Variants in MSI2 observed in about 807,000 individuals in gnomAD.
The protein encoded by MSI2 is RNA-binding protein Musashi homolog 2.
Under a neutral mutation model 45.6 loss-of-function variants are expected in MSI2, and 17 were observed. The ratio of observed to expected loss-of-function variants is 0.37; its 90% CI spans 0.26 to 0.56. MSI2 has a LOEUF of 0.56. Ranked by LOEUF, MSI2 falls within the 20% of genes least tolerant of loss-of-function variation. The pLI is 0.77. For missense variants in MSI2, 293 were observed against 444.2 expected, an observed-to-expected ratio of 0.66 and a Z score of 3.06; for synonymous variants, 156 against 158.2, an observed-to-expected ratio of 0.99 and a Z score of 0.11.
intron 7 of MSI2, among the ~76,000 whole-genome samples, chr17:57,567,294 C>T (rs568371673): frequency 1.2e-4 from 19 of 152,254 alleles, no homozygotes; most frequent in Admixed American, 7.8e-4. Context: ...GGTGCTAGAA[C>T]GACCCAATTA....
rs1015493657 is a variant in MSI2, at chr17:57,683,047, T to A, written c.*3530T>A. 1.7e-5 allele frequency: 4 copies of A among 229,708 alleles called. No homozygotes were observed. Among genetic ancestry groups the A allele is most frequent in the African/African-American group, 8.9e-5 (4 of 45,108 alleles). The allele number at this position is 229,708 out of a possible 1,614,324, so 14.2% of individuals were successfully genotyped here. ...CAAACAGCCTCGCGCTCTATCCCAG[T>A]CGCCCATTAGCTTGATTCAAACAAA... On this transcript the variant is annotated 3_prime_UTR_variant, in exon 14 of 14. Transcript: ENST00000284073. This position sits in a 1 kb window ranked among gnomAD's most constrained non-coding sequence, Gnocchi z 5.2.
intron 6 of MSI2, among the ~76,000 whole-genome samples, chr17:57,455,697 G>T (rs1054073576): frequency 6.6e-6 from 1 of 152,160 alleles, no homozygotes; most frequent in African/African-American, 2.4e-5. Flanking sequence ...GAGGGACAGT[G>T]GGGGAGAGCC....
rs184814495 is a variant in MSI2, at chr17:57,467,320, T to C, written c.406-62356T>C. On this transcript the variant is annotated intron_variant, in intron 6 of 13. Transcript: ENST00000284073. ...GGATATGGTGCATTCTTGAAAAGCA[T>C]TGGATGGATGGAAAAAAGGAAGAAG... Among the ~76,000 whole-genome samples, 109 of 152,046 alleles carry C rather than the reference T, an allele frequency of 7.2e-4. 1 individual carries two copies. Among genetic ancestry groups the C allele is most frequent in the Middle Eastern group, 3.4e-3 (1 of 294 alleles).
At chr17:57,310,212 G>C (rs1033660848) in intron 5 of MSI2, among the ~76,000 whole-genome samples, 9 of 152,202 alleles carry the variant, frequency 5.9e-5, no homozygotes, top group African/African-American at 2.2e-4. Context: ...TGCTGGAGTG[G>C]ACCTTGGGGC....
the MSI2 span, among the ~76,000 whole-genome samples, chr17:57,693,551 G>A: frequency 9.2e-5 from 14 of 152,164 alleles, no homozygotes; most frequent in Non-Finnish European, 1.5e-4. Flanking sequence ...TAGCATTTCT[G>A]TTTGACTCTT....
rs191020673 is a variant in MSI2 at position 57,270,162 on chromosome 17, G to A, written c.312+7970G>A. ...AGTTAAAAAGAAAAATCCTAATTCA[G>A]AATAATGACTGTCATTTATTGTGAG... On this transcript the variant is annotated intron_variant, in intron 5 of 13. Transcript: ENST00000284073. Among the ~76,000 whole-genome samples, 78 of 152,242 alleles carry A rather than the reference G, an allele frequency of 5.1e-4. 1 individual carries two copies. In the South Asian group the frequency reaches 0.011, roughly 22 times the overall value.
chr17:57,520,017 A>T (rs969158805), intron 6 of MSI2, among the ~76,000 whole-genome samples: 1 of 152,090 alleles, frequency 6.6e-6, no homozygotes, highest in Non-Finnish European at 1.5e-5. Flanking sequence ...ACAAATCGAG[A>T]CCCCATCCCT....
At chr17:57,370,679 T>A (rs2083407581) in intron 5 of MSI2, among the ~76,000 whole-genome samples, 1 of 152,202 alleles carries the variant, frequency 6.6e-6, no homozygotes, top group Non-Finnish European at 1.5e-5. Context: ...CACCAGGTGA[T>A]GGATTTAACC....
rs59127306 is a variant in MSI2 at position 57,477,145 on chromosome 17, G to GGTGTGTGTGTGT, written c.406-52486_406-52475dup. Among the ~76,000 whole-genome samples the GGTGTGTGTGTGT allele has an allele frequency of 1.6e-3, 185 of 118,716 alleles. 2 individuals carry two copies. The highest frequency in any genetic ancestry group is 4.2e-3 in the Middle Eastern group (1 of 238). The allele number at this position is 118,716 out of a possible 152,430, so 77.9% of individuals were successfully genotyped here. On this transcript the variant is annotated intron_variant, in intron 6 of 13. Coordinates refer to ENST00000284073, the MANE Select transcript of MSI2 (RefSeq NM_138962.4). ...TCACTTCTGTTGGTCCATAAGGCCT[G>GGTGTGTGTGTGT]GTGTGTGTGTGTGTGTGTGTGTGTG...
intron 6 of MSI2, chr17:57,522,323 G>T (rs1240604907): frequency 3.3e-5 from 5 of 152,226 alleles, no homozygotes; most frequent in African/African-American, 7.2e-5. Flanking sequence ...AAGGGCATTT[G>T]TTCTGGGGGA....
chr17:57,476,202 C>T lies in MSI2; in HGVS notation c.406-53474C>T, dbSNP rs552593477. On this transcript the variant is annotated intron_variant, in intron 6 of 13. Coordinates refer to ENST00000284073, the MANE Select transcript of MSI2 (RefSeq NM_138962.4). ...TCCAAGCTGATTTACATCAGCAGCT[C>T]CCTCTGGTTAATAGCCTTGTATATT... 2.3e-3 allele frequency among the ~76,000 whole-genome samples: 348 copies of T among 152,282 alleles called. 2 individuals carry two copies. The highest frequency in any genetic ancestry group is 0.011 in the South Asian group (55 of 4,824).
chr17:57,546,824 G>A (rs1042968383), intron 7 of MSI2, among the ~76,000 whole-genome samples: 2 of 152,148 alleles, frequency 1.3e-5, no homozygotes, highest in Admixed American at 6.5e-5. Context: ...CTTGTCCCAC[G>A]GCCACTGTGT....
intron 11 of MSI2, among the ~76,000 whole-genome samples, chr17:57,667,244 G>A (rs1410681848): frequency 1.3e-5 from 2 of 152,180 alleles, no homozygotes; most frequent in African/African-American, 4.8e-5. Context: ...TGTGGGCCTG[G>A]AGTCTGAAGC....
intron 5 of MSI2, among the ~76,000 whole-genome samples, chr17:57,306,666 C>T (rs1034951239): frequency 6.6e-6 from 1 of 152,238 alleles, no homozygotes; most frequent in Non-Finnish European, 1.5e-5. Flanking sequence ...GATGTGTATA[C>T]ATGTCATCGC....
intron 5 of MSI2, among the ~76,000 whole-genome samples, chr17:57,282,824 TG>T (rs368232571): frequency 1.1e-4 from 3 of 28,378 alleles, no homozygotes; most frequent in South Asian, 2.3e-3. Flanking sequence ...GGTTGGGGGG[TG>T]GGGGGCAGAC....
intron 5 of MSI2, among the ~76,000 whole-genome samples, chr17:57,397,415 A>G (rs1032377239): frequency 1.3e-5 from 2 of 152,224 alleles, no homozygotes; most frequent in African/African-American, 4.8e-5. Context: ...ACACACACCC[A>G]TGCATGTGCA....
At chr17:57,283,021 A>G (rs989495152) in intron 5 of MSI2, among the ~76,000 whole-genome samples, 2 of 151,838 alleles carry the variant, frequency 1.3e-5, no homozygotes, top group African/African-American at 4.8e-5. Flanking sequence ...GGCTGTGACG[A>G]GAGTTGTATT....
intron 5 of MSI2, among the ~76,000 whole-genome samples, chr17:57,341,582 G>C (rs534578388): frequency 3.3e-5 from 5 of 152,146 alleles, no homozygotes; most frequent in Admixed American, 6.5e-5. Flanking sequence ...TCACTCCCTG[G>C]TACATTGTGC....
At chr17:57,441,371 G>T (rs1423858687) in intron 6 of MSI2, among the ~76,000 whole-genome samples, 1 of 152,164 alleles carries the variant, frequency 6.6e-6, no homozygotes, top group South Asian at 2.1e-4. Context: ...GTGTCCCCAT[G>T]CCCTACACAC....
Sources: gnomAD v4.1 joint callset for allele counts (sites outside exome capture counted in the v4.1 genomes callset) on GRCh38, gnomAD v4.1.1 for gene constraint, Gnocchi (gnomAD v3.1) non-coding constraint, MANE v1.5 for transcripts, NCBI Gene and HGNC (gene_info 2026-07-23, HGNC 2026-07-21) for gene names.